The following SLC44A5 variants were observed in gnomAD, a reference collection of about 807,000 sequenced individuals.
SLC44A5 encodes solute carrier family 44 member 5.
A neutral mutation model predicts 101.8 loss-of-function variants in SLC44A5; 57 were observed. The observed-to-expected ratio is 0.56, with a 90% CI of 0.45 to 0.70. The LOEUF (loss-of-function observed/expected upper bound fraction) is 0.70. Ranked by LOEUF, SLC44A5 falls within the 30% of genes least tolerant of loss-of-function variation. The probability of loss-of-function intolerance (pLI) is 0.00; values close to 1 mark genes in which losing one functional copy is unlikely to be tolerated. For synonymous variants in SLC44A5, 281 were observed against 290.9 expected, an observed-to-expected ratio of 0.97 and a Z score of 0.35; for missense variants, 737 against 853.1, an observed-to-expected ratio of 0.86 and a Z score of 1.70.
chr1:75,719,528 A>G, the SLC44A5 span, among the ~76,000 whole-genome samples: 1 of 152,192 alleles, frequency 6.6e-6, no homozygotes, highest in Admixed American at 6.5e-5. Flanking sequence ...TAATTTGCCT[A>G]TAATTTGGAC....
intron 2 of SLC44A5, among the ~76,000 whole-genome samples, chr1:75,449,727 T>C (rs1665789566): frequency 6.6e-6 from 1 of 152,042 alleles, no homozygotes; most frequent in South Asian, 2.1e-4. Context: ...CTTGAAAATA[T>C]CATGGTGGCT....
intron 13 of SLC44A5, among the ~76,000 whole-genome samples, chr1:75,227,093 C>CGCCAGCACGGTGGCTCAT (rs1377343416): frequency 6.6e-6 from 1 of 151,986 alleles, no homozygotes; most frequent in African/African-American, 2.4e-5. Context: ...CGGTGGCTCA[C>CGCCAGCACGGTGGCTCAT]GCCAGCACGG....
intron 4 of SLC44A5, among the ~76,000 whole-genome samples, chr1:75,316,845 C>T (rs1655730124): frequency 6.6e-6 from 1 of 152,102 alleles, no homozygotes. Flanking sequence ...TATTCACTAC[C>T]AGGGCACATG....
At chr1:75,448,746 C>T (rs1428532225) in intron 2 of SLC44A5, among the ~76,000 whole-genome samples, 1 of 152,186 alleles carries the variant, frequency 6.6e-6, no homozygotes, top group East Asian at 1.9e-4. Context: ...GCTCCCAAAA[C>T]AATTGTCTTC....
At chr1:75,636,067 C>T in the SLC44A5 span, among the ~76,000 whole-genome samples, 1 of 152,034 alleles carries the variant, frequency 6.6e-6, no homozygotes, top group Non-Finnish European at 1.5e-5. Context: ...CCCTGCCACA[C>T]CCACCCATTC....
chr1:75,686,808 A>G, the SLC44A5 span, among the ~76,000 whole-genome samples: 10 of 152,360 alleles, frequency 6.6e-5, no homozygotes, highest in Non-Finnish European at 1.0e-4. Flanking sequence ...CCATGTGGAC[A>G]GATTCAGGAT....
the SLC44A5 span, among the ~76,000 whole-genome samples, chr1:75,628,476 C>T: frequency 6.6e-6 from 1 of 152,142 alleles, no homozygotes; most frequent in African/African-American, 2.4e-5. Flanking sequence ...AGCTGTGTTT[C>T]AAGCAAATCA....
At chr1:75,548,025 A>C (rs1204472258) in intron 1 of SLC44A5, among the ~76,000 whole-genome samples, 1 of 152,202 alleles carries the variant, frequency 6.6e-6, no homozygotes, top group East Asian at 1.9e-4. Flanking sequence ...ATGTTTAAAA[A>C]TTAACCTTAT....
intron 2 of SLC44A5, among the ~76,000 whole-genome samples, chr1:75,445,619 G>C (rs1665528453): frequency 8.4e-6 from 1 of 119,500 alleles, no homozygotes; most frequent in South Asian, 2.8e-4. Context: ...ATATTGGAGT[G>C]CCTGAACTCA....
chr1:75,251,371 A>G, intron 6 of SLC44A5, 77 bp from the exon 7 acceptor site: 1 of 1,186,614 alleles, frequency 8.4e-7, no homozygotes, highest in Non-Finnish European at 1.2e-6. Flanking sequence ...AACACTTTTT[A>G]TAAATAACCT....
chr1:75,488,841 T>C (rs1208540154), intron 2 of SLC44A5, among the ~76,000 whole-genome samples: 2 of 152,224 alleles, frequency 1.3e-5, no homozygotes, highest in Non-Finnish European at 2.9e-5. Flanking sequence ...ACAAGTCAAA[T>C]GTCTAAGAAA....
intron 1 of SLC44A5, among the ~76,000 whole-genome samples, chr1:75,556,514 TA>T (rs1557904151): frequency 6.6e-6 from 1 of 152,120 alleles, no homozygotes; most frequent in Non-Finnish European, 1.5e-5. Context: ...GGCACTTTGT[TA>T]AGTCACTCAC....
chr1:75,571,671 A>G (rs1244098682), intron 1 of SLC44A5, among the ~76,000 whole-genome samples: 3 of 152,216 alleles, frequency 2.0e-5, no homozygotes, highest in Non-Finnish European at 4.4e-5. Flanking sequence ...AGGCTAAGCC[A>G]AACTATGATG....
At chr1:75,697,902 G>C in the SLC44A5 span, among the ~76,000 whole-genome samples, 1 of 152,208 alleles carries the variant, frequency 6.6e-6, no homozygotes, top group Non-Finnish European at 1.5e-5. Context: ...GATGGCACCT[G>C]GAAAATCGGG....
intron 3 of SLC44A5, among the ~76,000 whole-genome samples, chr1:75,348,089 C>A (rs547241178): frequency 5.3e-5 from 8 of 152,016 alleles, no homozygotes; most frequent in African/African-American, 1.7e-4. Context: ...CAAGGAAAAA[C>A]TATACCTGCT....
At chr1:75,572,848 C>T (rs548262196) in intron 1 of SLC44A5, among the ~76,000 whole-genome samples, 11 of 151,984 alleles carry the variant, frequency 7.2e-5, no homozygotes, top group Admixed American at 2.0e-4. Flanking sequence ...TATGGCCAGG[C>T]GCAGTGGCTC....
the SLC44A5 span, among the ~76,000 whole-genome samples, chr1:75,710,951 C>A: frequency 1.3e-5 from 2 of 152,146 alleles, no homozygotes; most frequent in Non-Finnish European, 2.9e-5. Flanking sequence ...TTTCTTTACT[C>A]ATTTTCTCTC....
intron 5 of SLC44A5, among the ~76,000 whole-genome samples, chr1:75,296,169 A>G (rs1185967920): frequency 6.6e-6 from 1 of 152,072 alleles, no homozygotes; most frequent in Non-Finnish European, 1.5e-5. Flanking sequence ...GTACTGATCT[A>G]TAAATTATCT....
intron 1 of SLC44A5, among the ~76,000 whole-genome samples, chr1:75,607,414 T>C (rs1675384410): frequency 6.6e-6 from 1 of 152,118 alleles, no homozygotes; most frequent in African/African-American, 2.4e-5. Context: ...TGAATTATTT[T>C]TTATAAGCAA....
Sources: gnomAD v4.1 joint callset for allele counts (sites outside exome capture counted in the v4.1 genomes callset) on GRCh38, gnomAD v4.1.1 for gene constraint, MANE v1.5 for transcripts, NCBI Gene and HGNC (gene_info 2026-07-23, HGNC 2026-07-21) for gene names.